UTRN: variants seen among roughly 807,000 people sequenced by gnomAD.
The protein encoded by UTRN is utrophin.
A neutral mutation model predicts 463.9 loss-of-function variants in UTRN; 283 were observed. The ratio of observed to expected loss-of-function variants is 0.61; its 90% CI spans 0.55 to 0.67. The LOEUF is 0.67. Ranked by LOEUF, UTRN falls within the 30% of genes least tolerant of loss-of-function variation. The pLI is 0.00. For missense variants in UTRN, 3,922 were observed against 4,084.3 expected, an observed-to-expected ratio of 0.96 and a Z score of 1.08; for synonymous variants, 1,442 against 1,431.5, an observed-to-expected ratio of 1.01 and a Z score of -0.17.
At position 144,408,848 on chromosome 6, in the gene UTRN, C is replaced by G. The variant is rs576952495; in HGVS notation, c.141+5664C>G. ...AGGTGCAATAAAAGGAGCCCAAACC[C>G]TTTTCCACCTCTAGATATTCAGTCT... On this transcript the variant is annotated intron_variant, in intron 3 of 74. Coordinates refer to ENST00000367545, the MANE Select transcript of UTRN (RefSeq NM_007124.3). Among the ~76,000 whole-genome samples the G allele has an allele frequency of 2.2e-3, 341 of 152,292 alleles. 1 individual carries two copies. The highest frequency in any genetic ancestry group is 9.9e-4 in the Non-Finnish European group (67 of 68,016).
chr6:144,813,195 A>T (rs899393300), intron 65 of UTRN, among the ~76,000 whole-genome samples: 274 of 150,534 alleles, frequency 1.8e-3, no homozygotes, highest in African/African-American at 6.4e-3. Flanking sequence ...TTATTTATTT[A>T]TTTATTTTTT....
chr6:144,490,295 C>G, intron 31 of UTRN, 96 bp downstream of exon 31: 1 of 1,489,846 alleles, frequency 6.7e-7, no homozygotes, highest in South Asian at 1.3e-5. Context: ...CGTTTGTATT[C>G]TTTGTGATGT....
Position 144,487,679 on chromosome 6 carries a change from T to C in UTRN, c.3954T>C (p.Tyr1318=). The C allele has an allele frequency of 1.9e-6, 3 of 1,612,504 alleles. No individual in the cohort carries two copies. The highest frequency in any genetic ancestry group is 2.2e-5 in the South Asian group (2 of 90,806). ...AACTGGAGGCTTTCAACAGCCGATA[T>C]GAAGATCTAAGTCACCTGGTAAGAG... ...SEKLEAFNSR[Y]EDLSHLAESK... is the part of the protein sequence containing the mutation. The change falls in exon 29 of 75, where the codon TAT becomes TAC. Residue 1318 remains tyrosine, a synonymous_variant. Transcript: ENST00000367545.
chr6:144,710,060 T>C (rs1007142720), intron 53 of UTRN, among the ~76,000 whole-genome samples: 1 of 152,238 alleles, frequency 6.6e-6, no homozygotes, highest in Admixed American at 6.5e-5. Flanking sequence ...CAGTGATATA[T>C]TTTAATAATT....
chr6:144,775,150 G>A (rs151248403), intron 60 of UTRN, among the ~76,000 whole-genome samples: 34 of 152,240 alleles, frequency 2.2e-4, no homozygotes, highest in African/African-American at 6.5e-4. Context: ...GTTAATATAC[G>A]TCTAGGCAGT....
intron 66 of UTRN, among the ~76,000 whole-genome samples, chr6:144,825,921 G>T (rs1412691689): frequency 6.7e-6 from 1 of 149,184 alleles, no homozygotes; most frequent in Admixed American, 6.8e-5. Context: ...CTGACAAACA[G>T]TCTGGATAAA....
chr6:144,428,725 A>T (rs1401049706), intron 7 of UTRN, 53 bp from the exon 8 acceptor site: 5 of 1,015,898 alleles, frequency 4.9e-6, no homozygotes, highest in Non-Finnish European at 7.2e-6. Context: ...AACAATGCCT[A>T]CTTTGTTTCC....
At position 144,489,538 on chromosome 6, in the gene UTRN, C is replaced by T. The variant is rs568971679; in HGVS notation, c.4135-533C>T. ...ATAAATAAGTTGTGAACATTAGAAA[C>T]GACAAATGCAAAGCCCTTAGCAGGT... On this transcript the variant is annotated intron_variant, in intron 30 of 74. Transcript: ENST00000367545. Among the ~76,000 whole-genome samples, 29 of 152,228 alleles carry T rather than the reference C, an allele frequency of 1.9e-4. No individual in the cohort carries two copies. The South Asian group carries it at 5.6e-3, about 29-fold the overall frequency.
intron 51 of UTRN, among the ~76,000 whole-genome samples, chr6:144,588,794 G>C (rs1349990781): frequency 6.6e-6 from 1 of 152,144 alleles, no homozygotes; most frequent in Non-Finnish European, 1.5e-5. Flanking sequence ...ATATTTGGTA[G>C]TTTATTTTTA....
intron 56 of UTRN, among the ~76,000 whole-genome samples, chr6:144,752,296 A>AT (rs375168967): frequency 0.086 from 12,875 of 149,268 alleles, 580 homozygotes; most frequent in Non-Finnish European, 0.097. Flanking sequence ...TTCATCATGT[A>AT]TTTTTTTTTT....
chr6:144,445,351 C>CAAAAAAAA (rs11419379), intron 14 of UTRN, among the ~76,000 whole-genome samples: 2 of 106,534 alleles, frequency 1.9e-5, no homozygotes, highest in East Asian at 3.2e-4. Context: ...GACTCCCTCT[C>CAAAAAAAA]AAAAAAAAAA....
At chr6:144,602,589 CAAT>C (rs1329321669) in intron 51 of UTRN, among the ~76,000 whole-genome samples, 1 of 152,150 alleles carries the variant, frequency 6.6e-6, no homozygotes, top group Non-Finnish European at 1.5e-5. Flanking sequence ...TTAGGTGAAT[CAAT>C]GAGTGATGTC....
chr6:144,771,796 G>A, intron 58 of UTRN, 111 bp from the exon 59 acceptor site: 2 of 802,760 alleles, frequency 2.5e-6, no homozygotes, highest in South Asian at 2.0e-5. Context: ...AATTTTGCAT[G>A]TATTTTTAAA....
intron 2 of UTRN, among the ~76,000 whole-genome samples, chr6:144,327,021 G>T (rs916949703): frequency 9.2e-5 from 14 of 152,164 alleles, no homozygotes; most frequent in African/African-American, 3.4e-4. Context: ...ATTTGTACCT[G>T]AGAAGGGATG....
chr6:144,837,440 T>C (rs944470964), intron 71 of UTRN, among the ~76,000 whole-genome samples: 1 of 152,192 alleles, frequency 6.6e-6, no homozygotes, highest in Non-Finnish European at 1.5e-5. Flanking sequence ...TCAGAAGTAG[T>C]GATGGAGAGA....
intron 51 of UTRN, among the ~76,000 whole-genome samples, chr6:144,610,547 A>G (rs993707751): frequency 3.3e-5 from 5 of 152,190 alleles, no homozygotes; most frequent in Admixed American, 2.6e-4. Context: ...TAGACAGAAT[A>G]CTTCCAAACT....
At chr6:144,568,123 T>C (rs1800589398) in intron 50 of UTRN, among the ~76,000 whole-genome samples, 1 of 152,174 alleles carries the variant, frequency 6.6e-6, no homozygotes, top group Non-Finnish European at 1.5e-5. Flanking sequence ...CTGTAAAGTG[T>C]TATAAATCTG....
intron 23 of UTRN, among the ~76,000 whole-genome samples, chr6:144,470,221 C>G (rs1380055539): frequency 6.6e-6 from 1 of 152,232 alleles, no homozygotes; most frequent in Non-Finnish European, 1.5e-5. Context: ...TTGGGTACAC[C>G]TCCCAGACGG....
At position 144,491,016 on chromosome 6, in the gene UTRN, C is replaced by T. The variant is rs1480287012; in HGVS notation, c.4351C>T (p.Leu1451=). 2 of 1,613,906 alleles carry T rather than the reference C, an allele frequency of 1.2e-6. No individual in the cohort carries two copies. The highest frequency in any genetic ancestry group is 1.1e-5 in the South Asian group (1 of 91,046). ...GCGCATGCTGGACTGCAAGCGTGTG[C>T]TGGATGGCGTGAAAGCAGAACTTCA... ...EQRMLDCKRV[L]DGVKAELHVL... The change falls in exon 32 of 75, where the codon CTG becomes TTG. Residue 1451 remains leucine, a synonymous_variant. Coordinates refer to ENST00000367545, the MANE Select transcript of UTRN (RefSeq NM_007124.3).
Sources: gnomAD v4.1 joint callset for allele counts (sites outside exome capture counted in the v4.1 genomes callset) on GRCh38, gnomAD v4.1.1 for gene constraint, MANE v1.5 for transcripts, NCBI Gene and HGNC (gene_info 2026-07-23, HGNC 2026-07-21) for gene names.